OR7E24: variants seen among roughly 807,000 people sequenced by gnomAD.
The protein encoded by OR7E24 is olfactory receptor family 7 subfamily E member 24, also known as olfactory receptor 7E24.
For synonymous variants in OR7E24, 130 were observed against 157.5 expected (o/e 0.83, Z 1.31); for missense variants, 385 against 410.3 (o/e 0.94, Z 0.53).
At chr19:9,214,542 G>A in the OR7E24 span, 2 of 1,614,162 alleles carry the variant, frequency 1.2e-6, no homozygotes, top group Admixed American at 1.7e-5. Context: ...ATACACCTGA[G>A]TGAGGCACCC....
At chr19:9,239,577 A>G in the OR7E24 span, among the ~76,000 whole-genome samples, 97 of 152,104 alleles carry the variant, frequency 6.4e-4, no homozygotes, top group African/African-American at 2.3e-3. Context: ...GTTTTTTCAT[A>G]TACCTGTTAA....
chr19:9,249,023 T>G (rs1397823461), upstream of OR7E24, among the ~76,000 whole-genome samples: 2 of 152,206 alleles, frequency 1.3e-5, no homozygotes, highest in Admixed American at 6.5e-5. Context: ...GAGCAATGAT[T>G]AAACAGACCG....
the OR7E24 span, among the ~76,000 whole-genome samples, chr19:9,218,191 A>T: frequency 1.3e-5 from 2 of 152,240 alleles, no homozygotes; most frequent in East Asian, 3.8e-4. Context: ...GGACCAAAGC[A>T]TCAACTATAA....
At position 9,252,229 on chromosome 19, in the gene OR7E24, AT is replaced by A. The variant is rs1448220453; in HGVS notation, c.*167del. 1.7e-6 allele frequency: 1 copy of A among 589,302 alleles called. No individual in the cohort carries two copies. The highest frequency in any genetic ancestry group is 2.9e-5 in the East Asian group (1 of 34,164). 36.5% of individuals were successfully genotyped at this position (589,302 alleles called of 1,614,324 possible). A position where few individuals can be genotyped will look rare whatever the true frequency, so the allele number is the denominator to read the frequency against. Reference sequence around the variant, plus strand: ...GTGAGTATTCTGGTATCCTTTGTTCATCATACACATCATGAATGATTCCAAT... The same window carrying A: ...GTGAGTATTCTGGTATCCTTTGTTCACATACACATCATGAATGATTCCAAT... On this transcript the variant is annotated 3_prime_UTR_variant, in exon 1 of 1. Coordinates refer to ENST00000456448, the MANE Select transcript of OR7E24 (RefSeq NM_001079935.2).
At chr19:9,213,940 C>T in the OR7E24 span, 3 of 1,613,982 alleles carry the variant, frequency 1.9e-6, no homozygotes, top group Admixed American at 3.3e-5. Flanking sequence ...CTTTCCAGGG[C>T]CCCCTTCACA....
the OR7E24 span, chr19:9,214,977 GAA>G: frequency 1.7e-6 from 1 of 601,770 alleles, no homozygotes; most frequent in Non-Finnish European, 2.9e-6. Context: ...CAAAGACAAT[GAA>G]TCTCTCAGGA....
At chr19:9,242,156 A>G in the OR7E24 span, among the ~76,000 whole-genome samples, 1 of 152,212 alleles carries the variant, frequency 6.6e-6, no homozygotes, top group East Asian at 1.9e-4. Context: ...AAATCATACA[A>G]TAGTCAAGGC....
chr19:9,214,440 G>A, the OR7E24 span: 276,618 of 1,613,770 alleles, frequency 0.17, 24,773 homozygotes, highest in East Asian at 0.23. Context: ...CATGATGACC[G>A]TGTAGTGCAG....
the OR7E24 span, chr19:9,235,033 T>C: frequency 1.8e-6 from 1 of 551,404 alleles, no homozygotes; most frequent in East Asian, 3.0e-5. Context: ...ACCAAATGGC[T>C]GAGTGAATCA....
chr19:9,207,077 T>G, the OR7E24 span: 6 of 152,224 alleles, frequency 3.9e-5, no homozygotes, highest in African/African-American at 1.4e-4. Flanking sequence ...TCTTCAACTG[T>G]CTTCTTCAAA....
chr19:9,212,464 T>A, the OR7E24 span: 2 of 152,176 alleles, frequency 1.3e-5, no homozygotes, highest in African/African-American at 4.8e-5. Context: ...TATCTTTTGA[T>A]ACCATCAAAA....
chr19:9,217,041 C>T, the OR7E24 span, among the ~76,000 whole-genome samples: 7 of 152,318 alleles, frequency 4.6e-5, no homozygotes, highest in South Asian at 1.5e-3. Context: ...GACCACCACA[C>T]AGGACTCTCA....
the OR7E24 span, chr19:9,206,702 A>G: frequency 6.6e-6 from 1 of 152,234 alleles, no homozygotes; most frequent in Non-Finnish European, 1.5e-5. Flanking sequence ...CACTTAAATC[A>G]CAGTTTCCAA....
the OR7E24 span, chr19:9,212,321 C>T: frequency 6.6e-6 from 1 of 152,106 alleles, no homozygotes; most frequent in African/African-American, 2.4e-5. Context: ...TCACTGCAAC[C>T]TCTGCCACCT....
chr19:9,213,788 A>AAG, the OR7E24 span: 3 of 753,778 alleles, frequency 4.0e-6, no homozygotes, highest in African/African-American at 5.3e-5. Context: ...ACAACCAAAA[A>AAG]TCCCACATCA....
Position 9,251,422 on chromosome 19 carries a change from T to G in OR7E24, c.379T>G (p.Cys127Gly). 6.2e-7 allele frequency: 1 copy of G among 1,614,202 alleles called. No individual in the cohort carries two copies. The highest frequency in any genetic ancestry group is 1.6e-4 in the Middle Eastern group (1 of 6,062). The stretch of plus-strand genomic sequence containing the variant: ...GATGTCTTTTTTTGTCCTTTTTGCA[T>G]GTATGGATGACATGCTCCTGAGTGT... ...TQMSFFVLFA[C>G]MDDMLLSVMA... Residue 127 changes from cysteine to glycine, a missense_variant, in exon 1 of 1, where the codon TGT becomes GGT. Physicochemically the swap from Cys to Gly is radical, Grantham distance 159 (BLOSUM62 -3). Transcript: ENST00000456448.
the OR7E24 span, among the ~76,000 whole-genome samples, chr19:9,233,065 G>A: frequency 6.6e-6 from 1 of 152,060 alleles, no homozygotes; most frequent in Non-Finnish European, 1.5e-5. Flanking sequence ...TCTGAGTCAC[G>A]TGCAACCAGG....
At chr19:9,242,248 TTTTTG>T in the OR7E24 span, among the ~76,000 whole-genome samples, 12 of 152,100 alleles carry the variant, frequency 7.9e-5, no homozygotes, top group African/African-American at 2.4e-5. Context: ...TTTCTTTTTG[TTTTTG>T]TTTTGTTTTG....
upstream of OR7E24, among the ~76,000 whole-genome samples, chr19:9,249,201 T>C (rs1233094761): frequency 3.9e-5 from 6 of 152,372 alleles, no homozygotes; most frequent in East Asian, 1.9e-4. Context: ...TTTGCCCTTA[T>C]ATAAGTAAGT....
Sources: allele counts gnomAD v4.1 joint callset (sites outside exome capture counted in the v4.1 genomes callset), GRCh38; gene constraint gnomAD v4.1.1; transcripts MANE v1.5; gene names NCBI Gene and HGNC (gene_info 2026-07-23, HGNC 2026-07-21).